The following MYO1F variants were observed in gnomAD, a reference collection of about 807,000 sequenced individuals.
The protein encoded by MYO1F is unconventional myosin-If.
In MYO1F, 60 loss-of-function variants were observed where a neutral mutation model predicts 146.6. That is an observed-to-expected ratio of 0.41 (90% CI 0.33 to 0.51). The LOEUF is 0.51. Among genes scored for constraint, MYO1F ranks in the 20% least tolerant of loss-of-function variants. The pLI is 0.25. For missense variants in MYO1F, 1,274 were observed against 1,534.3 expected, an observed-to-expected ratio of 0.83 and a Z score of 2.83; for synonymous variants, 602 against 602.1, an observed-to-expected ratio of 1.00 and a Z score of 0.00.
Position 8,530,474 on chromosome 19 carries a change from C to G in MYO1F, c.2143G>C (p.Glu715Gln), listed in dbSNP as rs1160694738. The G allele has an allele frequency of 1.9e-6, 3 of 1,613,842 alleles. No homozygotes were observed. Among genetic ancestry groups the G allele is most frequent in the Admixed American group, 1.7e-5 (1 of 60,014 alleles). Reference sequence around the variant, plus strand: ...AGCCTCTCACCTTCCTCCCGCATCTCCTCGTACTTCCGGACAGCCACGTGG... The same window carrying G: ...AGCCTCTCACCTTCCTCCCGCATCTGCTCGTACTTCCGGACAGCCACGTGG... ...RRHVAVRKYE[E>Q]MREEASNILL... Residue 715 changes from glutamate to glutamine, a missense_variant, in exon 20 of 28, where the codon GAG (glutamate) becomes CAG (glutamine). By Grantham distance (29) the Glu-to-Gln change is conservative (BLOSUM62 2). Transcript: ENST00000644032. This position sits in a 1 kb window ranked among gnomAD's most constrained non-coding sequence, Gnocchi z 5.8.
At chr19:8,536,100 C>CCT in intron 19 of MYO1F, 152 bp downstream of exon 19, 2 of 1,005,444 alleles carry the variant, frequency 2.0e-6, no homozygotes, top group Non-Finnish European at 3.0e-6. Context: ...TCTGTCAATC[C>CCT]CTCTCTCTCA....
At position 8,521,258 on chromosome 19, in the gene MYO1F, A is replaced by C. The variant is rs138505600; in HGVS notation, c.*270T>G. 9.7e-6 allele frequency: 5 copies of C among 512,938 alleles called. No individual in the cohort carries two copies. The highest frequency in any genetic ancestry group is 1.8e-5 in the Non-Finnish European group (5 of 280,328). 31.8% of individuals were successfully genotyped at this position (512,938 alleles called of 1,614,324 possible). The stretch of plus-strand genomic sequence containing the variant: ...ATTTCTTAATCACATGGCAGTTGGG[A>C]GGTAGATTCTGCTGTTAGTCCCCTT... On this transcript the variant is annotated 3_prime_UTR_variant, in exon 28 of 28. Transcript: ENST00000644032.
At chr19:8,568,397 TG>T (rs1169099104) in intron 1 of MYO1F, among the ~76,000 whole-genome samples, 4 of 105,702 alleles carry the variant, frequency 3.8e-5, no homozygotes, top group Non-Finnish European at 7.0e-5. Context: ...CAGTCCGGCC[TG>T]GGTGAAAGAG....
At chr19:8,532,614 C>T (rs989270430) in intron 19 of MYO1F, among the ~76,000 whole-genome samples, 12 of 151,974 alleles carry the variant, frequency 7.9e-5, no homozygotes, top group Non-Finnish European at 7.4e-5. Context: ...AGGCTGGGTG[C>T]GGTGGCTCAT....
At chr19:8,574,697 CTCTCTTTCTTTCTTTTTCTT>C (rs1600074793) in intron 1 of MYO1F, among the ~76,000 whole-genome samples, 1 of 106,978 alleles carries the variant, frequency 9.3e-6, no homozygotes, top group East Asian at 4.7e-4. Flanking sequence ...CTTTCTCTTT[CTCTCTTTCTTTCTTTTTCTT>C]TCTCTTTCTT....
At chr19:8,544,041 CTGGTGGTGGTGGTGG>C (rs1192452702) in intron 14 of MYO1F, 4 of 212,526 alleles carry the variant, frequency 1.9e-5, no homozygotes, top group Admixed American at 9.1e-5. Flanking sequence ...GGTGGCGGTG[CTGGTGGTGGTGGTGG>C]TGGTGGTGGT....
chr19:8,529,556 C>G (rs1471018324), intron 21 of MYO1F, among the ~76,000 whole-genome samples: 1 of 151,940 alleles, frequency 6.6e-6, no homozygotes, highest in African/African-American at 2.4e-5. Flanking sequence ...TGAGAGTGTA[C>G]CTGTGGACAG....
chr19:8,562,484 G>A (rs1471658055), intron 1 of MYO1F, among the ~76,000 whole-genome samples: 1 of 151,728 alleles, frequency 6.6e-6, no homozygotes, highest in Admixed American at 6.6e-5. Context: ...GGAGATTTTA[G>A]TTTTGTTCAG....
intron 25 of MYO1F, 90 bp from the exon 26 acceptor site, chr19:8,522,919 G>A: frequency 8.6e-7 from 1 of 1,169,242 alleles, no homozygotes; most frequent in South Asian, 1.3e-5. Flanking sequence ...GGCTGAGGGA[G>A]GAGACTGCGA....
chr19:8,550,593 G>A lies in MYO1F; in HGVS notation c.873C>T (p.Asp291=), dbSNP rs543376626. 69 of 1,614,112 alleles carry A rather than the reference G, an allele frequency of 4.3e-5. No individual in the cohort carries two copies. The East Asian group carries it at 7.1e-4, about 17-fold the overall frequency. The change falls in exon 9 of 28, where the codon GAC becomes GAT. Residue 291 remains aspartate (D), a synonymous_variant. Transcript: ENST00000644032. ...CACTCTCCACTCGGGCGTAATTCCC[G>A]TCTTCACAGAAACTGATGTTCCCCA... ...LHLGNISFCE[D]GNYARVESVD...
chr19:8,549,943 C>A (rs1404143258), intron 10 of MYO1F: 1 of 622,562 alleles, frequency 1.6e-6, no homozygotes, highest in Non-Finnish European at 2.9e-6. Flanking sequence ...CAGAACTACA[C>A]ATGCACACCA....
chr19:8,562,986 T>C (rs1348484941), intron 1 of MYO1F, among the ~76,000 whole-genome samples: 2 of 151,012 alleles, frequency 1.3e-5, no homozygotes, highest in African/African-American at 4.9e-5. Flanking sequence ...AGCACCTTCT[T>C]TCCTTCTTTC....
At chr19:8,547,325 G>T (rs1224011642) in intron 12 of MYO1F, among the ~76,000 whole-genome samples, 1 of 91,438 alleles carries the variant, frequency 1.1e-5, no homozygotes, top group East Asian at 4.1e-4. Context: ...AAAAAAAAAA[G>T]CGGGGAATGG....
intron 22 of MYO1F, 47 bp from the exon 23 acceptor site, chr19:8,526,982 G>T: frequency 6.2e-7 from 1 of 1,607,312 alleles, no homozygotes; most frequent in South Asian, 1.1e-5. Flanking sequence ...AGGTGAGGGC[G>T]ACAGGTGAGA....
intron 14 of MYO1F, chr19:8,544,028 G>A: frequency 1.8e-6 from 1 of 550,682 alleles, no homozygotes; most frequent in Non-Finnish European, 3.2e-6. Context: ...CGGTGGCGGT[G>A]GCGGTGGCGG....
intron 13 of MYO1F, 23 bp downstream of exon 13, chr19:8,545,627 G>A (rs367972611): frequency 2.3e-5 from 37 of 1,601,758 alleles, no homozygotes; most frequent in Admixed American, 1.3e-4. Flanking sequence ...AGACGCCCCC[G>A]CCAAAGTTGA....
intron 1 of MYO1F, among the ~76,000 whole-genome samples, chr19:8,576,073 T>G (rs1223661754): frequency 6.6e-6 from 1 of 152,228 alleles, no homozygotes; most frequent in Non-Finnish European, 1.5e-5. Flanking sequence ...CTCAGCTCAC[T>G]GCACCCTCCG....
intron 11 of MYO1F, 42 bp downstream of exon 11, chr19:8,548,195 C>A (rs372763039): frequency 6.2e-7 from 1 of 1,613,500 alleles, no homozygotes; most frequent in Admixed American, 1.7e-5. Context: ...CCTGGGCTGC[C>A]CCAGGGAGGA....
intron 14 of MYO1F, among the ~76,000 whole-genome samples, chr19:8,543,744 CTGGTGGTGGTGGTGG>C (rs1282435228): frequency 1.0e-4 from 1 of 9,840 alleles, no homozygotes; most frequent in African/African-American, 5.0e-4. Context: ...GCTGGTGGTG[CTGGTGGTGGTGGTGG>C]TGGTGGTGCT....
Sources: gnomAD v4.1 joint callset for allele counts (sites outside exome capture counted in the v4.1 genomes callset) on GRCh38, gnomAD v4.1.1 for gene constraint, Gnocchi (gnomAD v3.1) non-coding constraint, MANE v1.5 for transcripts, NCBI Gene and HGNC (gene_info 2026-07-23, HGNC 2026-07-21) for gene names.